Variants in CEP41 observed in about 807,000 individuals in gnomAD.
CEP41 encodes the protein centrosomal protein of 41 kDa.
A neutral mutation model predicts 44.3 loss-of-function variants in CEP41; 32 were observed. The ratio of observed to expected loss-of-function variants is 0.72; its 90% CI spans 0.54 to 0.97. The LOEUF is 0.97. CEP41 is among the 50% of genes least tolerant of loss of function. The pLI is 0.00. For synonymous variants in CEP41, 151 were observed against 168.5 expected (o/e 0.90, Z 0.80); for missense variants, 432 against 455.2 (o/e 0.95, Z 0.46).
rs1554416654 is a variant in CEP41 at position 130,400,701 on chromosome 7, G to A, written c.757+6C>T. 3 of 1,581,210 alleles carry A rather than the reference G, an allele frequency of 1.9e-6. No homozygotes were observed. In the South Asian group the frequency reaches 3.4e-5, roughly 18 times the overall value. On this transcript the variant is annotated splice_donor_region_variant and intron_variant, in intron 9 of 10. Coordinates refer to ENST00000223208, the MANE Select transcript of CEP41 (RefSeq NM_018718.3). ...GAAGTCCCAAGCAGAGTATCACCTT[G>A]CTCACCTCCGGAAAGCATGAAGAGG...
chr7:130,412,491 C>G (rs1797213554), intron 3 of CEP41, among the ~76,000 whole-genome samples: 1 of 152,188 alleles, frequency 6.6e-6, no homozygotes, highest in Admixed American at 6.5e-5. Context: ...GTGACTACCC[C>G]TTGCCTTTAT....
upstream of CEP41, chr7:130,441,377 C>T (rs752730610): frequency 1.2e-3 from 438 of 371,926 alleles, 2 homozygotes; most frequent in Non-Finnish European, 1.3e-3. Flanking sequence ...GACTCCCCAT[C>T]CCCCAGCTCC....
intron 1 of CEP41, among the ~76,000 whole-genome samples, chr7:130,431,908 C>A (rs1797832733): frequency 6.6e-6 from 1 of 152,086 alleles, no homozygotes; most frequent in South Asian, 2.1e-4. Flanking sequence ...CTCCTTGTAC[C>A]CCCAAGACAT....
chr7:130,417,291 T>G, intron 2 of CEP41: 1 of 1,130,196 alleles, frequency 8.8e-7, no homozygotes, highest in Non-Finnish European at 1.1e-6. Flanking sequence ...TCCTTTTATC[T>G]CCCCTGCCCC....
intron 10 of CEP41, chr7:130,399,822 A>AAG: frequency 2.0e-6 from 1 of 511,590 alleles, no homozygotes; most frequent in Non-Finnish European, 3.5e-6. Context: ...TCTGTCTCAA[A>AAG]AAAAAAAAAA....
chr7:130,431,311 T>G (rs1464052087), intron 1 of CEP41, among the ~76,000 whole-genome samples: 1 of 152,134 alleles, frequency 6.6e-6, no homozygotes, highest in African/African-American at 2.4e-5. Flanking sequence ...AAAGAAGCTG[T>G]TTTCAAGGAA....
In CEP41 at chr7:130,400,162, G is replaced by A. The variant is rs782729874; in HGVS notation, c.850C>T (p.Arg284Trp). ...GGCCCTTTGGGGCTGGATCGTTTCC[G>A]GGCAGACCCAGGAGGAAGGGCCTGC... is the stretch of plus-strand genomic sequence containing the variant. ...CQQALPPGSA[R>W]KRSSPKGPPL... The change falls in exon 10 of 11, where the codon CGG (arginine) becomes TGG (tryptophan). Residue 284 changes from arginine (R) to tryptophan (W), a missense_variant. Arg to Trp is a moderately radical substitution (Grantham distance 101). Coordinates refer to ENST00000223208, the MANE Select transcript of CEP41 (RefSeq NM_018718.3). The A allele has an allele frequency of 1.9e-5, 30 of 1,613,518 alleles. No individual in the cohort carries two copies. Among genetic ancestry groups the A allele is most frequent in the East Asian group, 4.5e-5 (2 of 44,874 alleles).
Position 130,393,965 on chromosome 7 carries a change from G to C in CEP41, c.*4926C>G. On this transcript the variant is annotated 3_prime_UTR_variant, in exon 11 of 11. Transcript: ENST00000223208. ...TCAAGATAAGACAGCAGACACAGGC[G>C]GTGGAAATGTGGAAATACGCATTCC... The C allele has an allele frequency of 2.2e-6, 1 of 454,046 alleles. No individual in the cohort carries two copies. Among genetic ancestry groups the C allele is most frequent in the Non-Finnish European group, 4.4e-6 (1 of 226,794 alleles). The allele number at this position is 454,046 out of a possible 1,614,324, so 28.1% of individuals were successfully genotyped here. A position where few individuals can be genotyped will look rare whatever the true frequency, so the allele number is the denominator to read the frequency against.
At chr7:130,423,455 C>T (rs782402159) in intron 2 of CEP41, among the ~76,000 whole-genome samples, 2 of 152,118 alleles carry the variant, frequency 1.3e-5, no homozygotes, top group Non-Finnish European at 2.9e-5. Context: ...GTAATCAAAA[C>T]GATGAACAAT....
rs1554414906 is a variant in CEP41 at position 130,396,985 on chromosome 7, A to C, written c.*1906T>G. On this transcript the variant is annotated 3_prime_UTR_variant, in exon 11 of 11. Coordinates refer to ENST00000223208, the MANE Select transcript of CEP41 (RefSeq NM_018718.3). ...GGCAGGGAAGTCTCAACTCCTGACA[A>C]GTCACCTTTAAAACAGCATAACCAG... 1 of 454,478 alleles carries C rather than the reference A, an allele frequency of 2.2e-6. No homozygotes were observed. Among genetic ancestry groups the C allele is most frequent in the Admixed American group, 2.3e-5 (1 of 42,572 alleles). 28.2% of individuals were successfully genotyped at this position (454,478 alleles called of 1,614,324 possible).
chr7:130,417,375 A>C, intron 2 of CEP41: 1 of 1,080,366 alleles, frequency 9.3e-7, no homozygotes, highest in South Asian at 2.8e-5. Flanking sequence ...GAGTGTCTAA[A>C]ATGTGCCTTT....
intron 2 of CEP41, chr7:130,419,948 C>T (rs1165822032): frequency 1.1e-5 from 11 of 983,350 alleles, no homozygotes; most frequent in Admixed American, 6.2e-5. Flanking sequence ...TTTATGGGCA[C>T]GTACACACAC....
intron 6 of CEP41, 25 bp from the exon 7 acceptor site, chr7:130,402,824 A>C (rs1796894451): frequency 6.2e-7 from 1 of 1,614,006 alleles, no homozygotes; most frequent in Non-Finnish European, 8.5e-7. Flanking sequence ...GTAGGTCAGC[A>C]GAAACTAGTC....
At chr7:130,424,943 A>T (rs1284992336) in intron 2 of CEP41, among the ~76,000 whole-genome samples, 1 of 152,244 alleles carries the variant, frequency 6.6e-6, no homozygotes, top group African/African-American at 2.4e-5. Flanking sequence ...AATATTTGCA[A>T]ACCATATATC....
rs202062609 is a variant in CEP41, at chr7:130,416,137, A to T, written c.145+782T>A. On this transcript the variant is annotated intron_variant, in intron 3 of 10. Coordinates refer to ENST00000223208, the MANE Select transcript of CEP41 (RefSeq NM_018718.3). ...GCAATTTTATCTTCCAAGAAGATGT[A>T]CATTACCAGAGCCAAGTCCTGAACT... Among the ~76,000 whole-genome samples the T allele has an allele frequency of 2.0e-5, 3 of 152,254 alleles. No homozygotes were observed. In the East Asian group the frequency reaches 5.8e-4, roughly 29 times the overall value.
chr7:130,416,185 T>TACC (rs1298090906), intron 3 of CEP41, among the ~76,000 whole-genome samples: 1 of 152,250 alleles, frequency 6.6e-6, no homozygotes, highest in African/African-American at 2.4e-5. Flanking sequence ...AGTACCTCTT[T>TACC]ACCACCATTA....
At chr7:130,406,815 A>G (rs1797024529) in intron 5 of CEP41, among the ~76,000 whole-genome samples, 1 of 149,844 alleles carries the variant, frequency 6.7e-6, no homozygotes, top group African/African-American at 2.5e-5. Context: ...TATAAAATAT[A>G]CTCTCCGGTG....
chr7:130,422,527 C>A (rs889575389), intron 2 of CEP41, among the ~76,000 whole-genome samples: 1 of 152,148 alleles, frequency 6.6e-6, no homozygotes, highest in Non-Finnish European at 1.5e-5. Context: ...TACCCTGGCA[C>A]ATAATGCATA....
intron 8 of CEP41, 45 bp from the exon 9 acceptor site, chr7:130,400,866 C>T: frequency 8.0e-7 from 1 of 1,244,060 alleles, no homozygotes; most frequent in Non-Finnish European, 1.2e-6. Context: ...GGGCTGATGT[C>T]CCAAGACTAC....
Sources: allele counts gnomAD v4.1 joint callset (sites outside exome capture counted in the v4.1 genomes callset), GRCh38; gene constraint gnomAD v4.1.1; transcripts MANE v1.5; gene names NCBI Gene and HGNC (gene_info 2026-07-23, HGNC 2026-07-21).